Variants in EPHA6 observed in about 807,000 individuals in gnomAD.
The protein encoded by EPHA6 is ephrin type-A receptor 6.
A neutral mutation model predicts 112.0 loss-of-function variants in EPHA6; 50 were observed. That is an observed-to-expected ratio of 0.45 (90% confidence interval 0.36 to 0.56). The LOEUF (loss-of-function observed/expected upper bound fraction) is 0.56. Ranked by LOEUF, EPHA6 falls within the 20% of genes least tolerant of loss-of-function variation. The pLI, the probability that EPHA6 is intolerant of heterozygous loss-of-function variation, is 0.00. For synonymous variants in EPHA6, 529 were observed against 490.7 expected, an observed-to-expected ratio of 1.08 and a Z score of -1.03; for missense variants, 1,280 against 1,417.4, an observed-to-expected ratio of 0.90 and a Z score of 1.56.
Position 97,244,116 on chromosome 3 carries a change from G to A in EPHA6, c.1435G>A (p.Gly479Arg). The A allele has an allele frequency of 6.2e-7, 1 of 1,613,034 alleles. No homozygotes were observed. The highest frequency in any genetic ancestry group is 8.5e-7 in the Non-Finnish European group (1 of 1,179,330). ...CAGCCAGTGTGAGGACTGTGGTGGAGGACTCCGCTTCATCCCAAGACATAC... is the reference window on the plus strand; with the variant it reads ...CAGCCAGTGTGAGGACTGTGGTGGAAGACTCCGCTTCATCCCAAGACATAC... ...DTSQCEDCGG[G>R]LRFIPRHTGL... is the part of the protein sequence containing the mutation. Residue 479 changes from glycine to arginine, a missense_variant, in exon 5 of 18, where the codon GGA becomes AGA. Coordinates refer to ENST00000389672, the MANE Select transcript of EPHA6 (RefSeq NM_001080448.3).
intron 4 of EPHA6, among the ~76,000 whole-genome samples, chr3:97,235,922 A>G (rs1311157128): frequency 6.6e-6 from 1 of 152,008 alleles, no homozygotes; most frequent in Non-Finnish European, 1.5e-5. Context: ...TTAAAAATTC[A>G]TTGTGTTTCT....
chr3:96,898,751 C>T (rs539987621), intron 2 of EPHA6, among the ~76,000 whole-genome samples: 55 of 152,010 alleles, frequency 3.6e-4, no homozygotes, highest in East Asian at 9.7e-4. Flanking sequence ...GGAATTTGGC[C>T]GGGCGCGGTG....
At chr3:97,371,162 G>A (rs1209356130) in intron 5 of EPHA6, among the ~76,000 whole-genome samples, 1 of 151,620 alleles carries the variant, frequency 6.6e-6, no homozygotes, top group African/African-American at 2.4e-5. Flanking sequence ...TGGCATTTTA[G>A]GTAATATGTT....
At chr3:97,604,415 G>A (rs1353739552) in intron 12 of EPHA6, among the ~76,000 whole-genome samples, 1 of 151,414 alleles carries the variant, frequency 6.6e-6, no homozygotes, top group Admixed American at 6.6e-5. Context: ...CATCTAACTA[G>A]CAATAATTTT....
At chr3:96,851,624 G>A (rs1304688719) in intron 1 of EPHA6, among the ~76,000 whole-genome samples, 6 of 152,076 alleles carry the variant, frequency 3.9e-5, no homozygotes, top group Admixed American at 2.0e-4. Flanking sequence ...AAGGAGACCC[G>A]TTAAACTTGC....
Position 97,438,415 on chromosome 3 carries a change from G to A in EPHA6, c.1732-10153G>A, listed in dbSNP as rs75759391. On this transcript the variant is annotated intron_variant, in intron 6 of 17. Coordinates refer to ENST00000389672, the MANE Select transcript of EPHA6 (RefSeq NM_001080448.3). ...ATAATATTATTACATTTAGGTTGTA[G>A]AAGCACTATATGCTAGCAAAAGTAA... Among the ~76,000 whole-genome samples, 413 of 152,240 alleles carry A rather than the reference G, an allele frequency of 2.7e-3. 3 individuals are homozygous for A. Among genetic ancestry groups the A allele is most frequent in the African/African-American group, 9.2e-3 (382 of 41,544 alleles).
intron 2 of EPHA6, among the ~76,000 whole-genome samples, chr3:96,955,788 C>T (rs1301063248): frequency 1.3e-5 from 2 of 152,164 alleles, no homozygotes; most frequent in African/African-American, 4.8e-5. Context: ...TTCCTACCTT[C>T]TAACACATTA....
chr3:96,823,086 G>A lies in EPHA6; in HGVS notation c.385+8078G>A, dbSNP rs573804722. 2.5e-4 allele frequency among the ~76,000 whole-genome samples: 38 copies of A among 151,766 alleles called. No individual in the cohort carries two copies. The South Asian group carries it at 7.7e-3, about 31-fold the overall frequency. On this transcript the variant is annotated intron_variant, in intron 1 of 17. Coordinates refer to ENST00000389672, the MANE Select transcript of EPHA6 (RefSeq NM_001080448.3). ...TTGCCCCCAAATTTGAGTGGAATTAGTCTTGGTAGCACCTTAATTTTTATT... is the reference window on the plus strand; with the variant it reads ...TTGCCCCCAAATTTGAGTGGAATTAATCTTGGTAGCACCTTAATTTTTATT...
chr3:97,531,112 A>T (rs1020640025), intron 10 of EPHA6, among the ~76,000 whole-genome samples: 2 of 152,002 alleles, frequency 1.3e-5, no homozygotes, highest in African/African-American at 4.8e-5. Context: ...ACAGTTTGTA[A>T]GCATTTTGAC....
intron 2 of EPHA6, among the ~76,000 whole-genome samples, chr3:96,931,018 A>AAAAAAAAAAAAAAAAAAAAAAG (rs796531853): frequency 2.4e-5 from 2 of 84,562 alleles, no homozygotes; most frequent in African/African-American, 4.2e-5. Context: ...AAAAAAAAAA[A>AAAAAAAAAAAAAAAAAAAAAAG]AAAGAAAAGC....
Position 96,946,780 on chromosome 3 carries a change from C to T in EPHA6, c.451-40550C>T, listed in dbSNP as rs545950571. On this transcript the variant is annotated intron_variant, in intron 2 of 17. Coordinates refer to ENST00000389672, the MANE Select transcript of EPHA6 (RefSeq NM_001080448.3). ...CTTCCACAATGGTTGAACTAGTTTACAGACCCACCAACAGTGTAAAAGTGT... is the reference window on the plus strand; with the variant it reads ...CTTCCACAATGGTTGAACTAGTTTATAGACCCACCAACAGTGTAAAAGTGT... Among the ~76,000 whole-genome samples the T allele has an allele frequency of 2.0e-4, 30 of 152,296 alleles. 1 individual carries two copies. The South Asian group carries it at 5.8e-3, about 29-fold the overall frequency.
intron 3 of EPHA6, among the ~76,000 whole-genome samples, chr3:96,994,732 T>TATAGAG (rs1170197805): frequency 3.2e-4 from 26 of 82,200 alleles, no homozygotes; most frequent in Middle Eastern, 6.4e-3. Context: ...TATATATATA[T>TATAGAG]AGAGAGAGAG....
intron 1 of EPHA6, among the ~76,000 whole-genome samples, chr3:96,861,507 A>G (rs897123971): frequency 1.2e-4 from 19 of 152,008 alleles, no homozygotes; most frequent in African/African-American, 4.6e-4. Context: ...GTTTTCTGAA[A>G]AAGATACTCT....
intron 5 of EPHA6, among the ~76,000 whole-genome samples, chr3:97,338,319 C>A (rs2083151885): frequency 6.6e-6 from 1 of 152,086 alleles, no homozygotes; most frequent in Admixed American, 6.6e-5. Flanking sequence ...CAGTCACAAG[C>A]CTGTAATGTA....
chr3:97,596,029 A>C (rs955238987), intron 12 of EPHA6, among the ~76,000 whole-genome samples: 7 of 147,390 alleles, frequency 4.7e-5, no homozygotes, highest in Admixed American at 2.1e-4. Context: ...CCTCAGCCTC[A>C]CGAGTAGCTG....
chr3:97,246,543 A>T (rs1177477458), intron 5 of EPHA6, among the ~76,000 whole-genome samples: 1 of 151,842 alleles, frequency 6.6e-6, no homozygotes, highest in South Asian at 2.1e-4. Flanking sequence ...ATATTCTGGA[A>T]GGATAATATC....
intron 5 of EPHA6, among the ~76,000 whole-genome samples, chr3:97,287,111 G>A (rs1323240590): frequency 1.3e-5 from 2 of 152,024 alleles, no homozygotes; most frequent in Non-Finnish European, 2.9e-5. Context: ...CAACTTTACT[G>A]AATTTATTTA....
intron 5 of EPHA6, among the ~76,000 whole-genome samples, chr3:97,378,500 G>T (rs764053738): frequency 5.9e-5 from 9 of 152,120 alleles, no homozygotes; most frequent in African/African-American, 1.2e-4. Context: ...ACCCCAGAAT[G>T]GTAGATCCAC....
chr3:97,748,531 CTCTCTCTT>C, intron 17 of EPHA6, 48 bp from the exon 18 acceptor site: 2 of 818,080 alleles, frequency 2.4e-6, no homozygotes, highest in South Asian at 2.8e-5. Flanking sequence ...CTCTCTCTCT[CTCTCTCTT>C]TCTTGCTCTC....
Sources: gnomAD v4.1 joint callset for allele counts (sites outside exome capture counted in the v4.1 genomes callset) on GRCh38, gnomAD v4.1.1 for gene constraint, MANE v1.5 for transcripts, NCBI Gene and HGNC (gene_info 2026-07-23, HGNC 2026-07-21) for gene names.